The following CACNG2 variants were observed in gnomAD, a reference collection of about 807,000 sequenced individuals.
CACNG2 encodes calcium voltage-gated channel auxiliary subunit gamma 2.
A neutral mutation model predicts 25.9 loss-of-function variants in CACNG2; 3 were observed. The ratio of observed to expected loss-of-function variants is 0.12; its 90% CI spans 0.05 to 0.30. The LOEUF (loss-of-function observed/expected upper bound fraction) is 0.30. CACNG2 is among the 10% of genes least tolerant of loss of function. The probability of loss-of-function intolerance (pLI) is 1.00; values close to 1 mark genes in which losing one functional copy is unlikely to be tolerated. For synonymous variants in CACNG2, 167 were observed against 173.3 expected (o/e 0.96, Z 0.29); for missense variants, 341 against 432.5 (o/e 0.79, Z 1.88).
intron 1 of CACNG2, among the ~76,000 whole-genome samples, chr22:36,596,439 C>T (rs553725016): frequency 9.9e-5 from 15 of 152,072 alleles, no homozygotes; most frequent in South Asian, 2.1e-4. Context: ...TTCTCTCGTT[C>T]GTTCATTCAT....
chr22:36,660,823 T>C (rs1361741565), intron 1 of CACNG2, among the ~76,000 whole-genome samples: 1 of 152,244 alleles, frequency 6.6e-6, no homozygotes, highest in Non-Finnish European at 1.5e-5. Flanking sequence ...CAACCTACTC[T>C]GCTAAAGTTT....
At chr22:36,575,349 C>T (rs944079225) in intron 2 of CACNG2, among the ~76,000 whole-genome samples, 2 of 152,166 alleles carry the variant, frequency 1.3e-5, no homozygotes, top group Non-Finnish European at 2.9e-5. Context: ...TGGCCAAACT[C>T]CCTAGACAAA....
chr22:36,681,741 A>T (rs1937127349), intron 1 of CACNG2, among the ~76,000 whole-genome samples: 1 of 152,088 alleles, frequency 6.6e-6, no homozygotes, highest in Non-Finnish European at 1.5e-5. Flanking sequence ...AAAAGAAATC[A>T]CTTGACTTCT....
At chr22:36,622,026 T>C (rs985367686) in intron 1 of CACNG2, among the ~76,000 whole-genome samples, 2 of 152,238 alleles carry the variant, frequency 1.3e-5, no homozygotes, top group Admixed American at 1.3e-4. Flanking sequence ...GCTTTCTATC[T>C]ATGATCTCAT....
rs187553931 is a variant in CACNG2, at chr22:36,620,633, A to G, written c.212-33085T>C. Reference sequence around the variant, plus strand: ...TGGCCAAGTTACTTAATTTCTCCGCACCTTTTTTTTGCTCATCTGTAAAAT... The same window carrying G: ...TGGCCAAGTTACTTAATTTCTCCGCGCCTTTTTTTTGCTCATCTGTAAAAT... On this transcript the variant is annotated intron_variant, in intron 1 of 3. Transcript: ENST00000300105. Among the ~76,000 whole-genome samples the G allele has an allele frequency of 3.3e-5, 5 of 152,204 alleles. No individual in the cohort carries two copies. In the East Asian group the frequency reaches 9.6e-4, roughly 29 times the overall value.
At position 36,673,545 on chromosome 22, in the gene CACNG2, C is replaced by T. The variant is rs537631587; in HGVS notation, c.211+28821G>A. 1.6e-4 allele frequency among the ~76,000 whole-genome samples: 25 copies of T among 152,198 alleles called. 1 individual carries two copies. The South Asian group carries it at 5.0e-3, about 30-fold the overall frequency. ...CCTCCATGGAGGGGCTACTTCAGTG[C>T]AAAGCACCATCAGGGGCACCGCAGG... On this transcript the variant is annotated intron_variant, in intron 1 of 3. Coordinates refer to ENST00000300105, the MANE Select transcript of CACNG2 (RefSeq NM_006078.5).
chr22:36,596,356 G>A (rs1428281143), intron 1 of CACNG2, among the ~76,000 whole-genome samples: 1 of 152,244 alleles, frequency 6.6e-6, no homozygotes, highest in Non-Finnish European at 1.5e-5. Context: ...GCCCCCTGGG[G>A]CACAGCGCAG....
intron 2 of CACNG2, among the ~76,000 whole-genome samples, chr22:36,568,712 T>G (rs1294510874): frequency 6.6e-6 from 1 of 152,162 alleles, no homozygotes; most frequent in Admixed American, 6.5e-5. Context: ...GGCAGTTTGC[T>G]GAGATGTGTG....
chr22:36,657,950 C>T (rs897366830), intron 1 of CACNG2, among the ~76,000 whole-genome samples: 1 of 152,066 alleles, frequency 6.6e-6, no homozygotes, highest in Non-Finnish European at 1.5e-5. Flanking sequence ...TGTAGAGAGG[C>T]TCACTGAGAC....
chr22:36,621,446 T>G (rs1936103314), intron 1 of CACNG2, among the ~76,000 whole-genome samples: 1 of 151,864 alleles, frequency 6.6e-6, no homozygotes, highest in African/African-American at 2.4e-5. Flanking sequence ...GGCACATACC[T>G]ATAAACTCAG....
intron 1 of CACNG2, among the ~76,000 whole-genome samples, chr22:36,671,520 C>A (rs1010887068): frequency 1.3e-5 from 2 of 152,218 alleles, no homozygotes; most frequent in African/African-American, 4.8e-5. Context: ...CTCCACCGCA[C>A]AAGCCGAGAG....
intron 2 of CACNG2, among the ~76,000 whole-genome samples, chr22:36,577,732 T>G (rs1420582979): frequency 1.3e-5 from 2 of 151,706 alleles, no homozygotes; most frequent in South Asian, 4.2e-4. Flanking sequence ...GCTGGGTGGC[T>G]TTTGGGGAAC....
chr22:36,591,374 C>G (rs1483894333), intron 1 of CACNG2, among the ~76,000 whole-genome samples: 1 of 152,070 alleles, frequency 6.6e-6, no homozygotes, highest in East Asian at 1.9e-4. Flanking sequence ...TGGGAATGTT[C>G]TAGTAGAGAG....
chr22:36,632,393 C>T (rs1936285569), intron 1 of CACNG2, among the ~76,000 whole-genome samples: 1 of 151,980 alleles, frequency 6.6e-6, no homozygotes, highest in Non-Finnish European at 1.5e-5. Flanking sequence ...CAAGTTGGTC[C>T]TGTGAATTAA....
At chr22:36,590,377 C>T (rs1935571205) in intron 1 of CACNG2, among the ~76,000 whole-genome samples, 1 of 152,160 alleles carries the variant, frequency 6.6e-6, no homozygotes, top group Non-Finnish European at 1.5e-5. Flanking sequence ...TGAACATGAA[C>T]TCCTGATCTT....
chr22:36,612,577 A>G (rs1161390934), intron 1 of CACNG2, among the ~76,000 whole-genome samples: 2 of 152,164 alleles, frequency 1.3e-5, no homozygotes, highest in Non-Finnish European at 2.9e-5. Context: ...TTCTTGGAGG[A>G]GAGAGGCCAC....
At position 36,564,716 on chromosome 22, in the gene CACNG2, C is replaced by T. The variant is rs752802266; in HGVS notation, c.607G>A (p.Asp203Asn). ...GTGGCCCGCAGCTGTTTGTGCCGGT[C>T]GATAAACATGTGCACCGCCAGCACC... ...VGVLAVHMFI[D>N]RHKQLRATAR... Residue 203 changes from aspartate (D) to asparagine (N), a missense_variant, in exon 4 of 4, where the codon GAC (aspartate) becomes AAC (asparagine). Transcript: ENST00000300105. The surrounding 1 kb of genome is among the most constrained non-coding windows in gnomAD (Gnocchi z 6.7). 6.2e-6 allele frequency: 10 copies of T among 1,613,988 alleles called. No individual in the cohort carries two copies. The South Asian group carries it at 9.9e-5, about 16-fold the overall frequency.
At chr22:36,645,673 A>G (rs1203626280) in intron 1 of CACNG2, among the ~76,000 whole-genome samples, 1 of 152,118 alleles carries the variant, frequency 6.6e-6, no homozygotes, top group Non-Finnish European at 1.5e-5. Flanking sequence ...ACGGCAATGG[A>G]TAATGCTCTG....
intron 1 of CACNG2, among the ~76,000 whole-genome samples, chr22:36,670,130 C>T (rs916778495): frequency 2.0e-5 from 3 of 152,170 alleles, no homozygotes; most frequent in Non-Finnish European, 2.9e-5. Context: ...TTCAAAACAT[C>T]GACAGCAGAC....
Sources: allele counts gnomAD v4.1 joint callset (sites outside exome capture counted in the v4.1 genomes callset), GRCh38; gene constraint gnomAD v4.1.1; non-coding constraint Gnocchi (gnomAD v3.1); transcripts MANE v1.5; gene names NCBI Gene and HGNC (gene_info 2026-07-23, HGNC 2026-07-21).